Variants in KLF17 observed in about 807,000 individuals in gnomAD.
KLF17 encodes the protein KLF transcription factor 17.
KLF17 carries 31 observed loss-of-function variants against 34.2 expected under a neutral mutation model. The observed-to-expected ratio is 0.91, with a 90% confidence interval of 0.68 to 1.22. The LOEUF is 1.22. KLF17 is among the 50% of genes most tolerant of loss of function. KLF17 has a pLI of 0.00. For missense variants in KLF17, 478 were observed against 505.2 expected (o/e 0.95, Z 0.52); for synonymous variants, 179 against 186.7 (o/e 0.96, Z 0.34).
At chr1:44,127,722 C>CTTCTCT (rs1557732140) in intron 1 of KLF17, among the ~76,000 whole-genome samples, 6 of 113,518 alleles carry the variant, frequency 5.3e-5, no homozygotes, top group Non-Finnish European at 1.0e-4. Flanking sequence ...CTTCTCTTTT[C>CTTCTCT]TTTCTTTCTT....
At chr1:44,092,640 T>C in the KLF17 span, among the ~76,000 whole-genome samples, 385 of 152,060 alleles carry the variant, frequency 2.5e-3, 2 homozygotes, top group African/African-American at 9.0e-3. Context: ...TTAGCTTTTT[T>C]TTTTTTTCCT....
the KLF17 span, among the ~76,000 whole-genome samples, chr1:44,067,730 C>T: frequency 6.6e-6 from 1 of 152,136 alleles, no homozygotes; most frequent in Non-Finnish European, 1.5e-5. Flanking sequence ...GAAGGAGCAG[C>T]TCACTGTCAC....
the KLF17 span, among the ~76,000 whole-genome samples, chr1:44,090,453 A>G: frequency 5.9e-5 from 9 of 152,258 alleles, no homozygotes; most frequent in Admixed American, 5.9e-4. Flanking sequence ...TGTAAGTAGA[A>G]AAAATAAACA....
At chr1:44,087,717 A>G in the KLF17 span, among the ~76,000 whole-genome samples, 1 of 105,578 alleles carries the variant, frequency 9.5e-6, no homozygotes, top group Non-Finnish European at 1.9e-5. Flanking sequence ...GCCTCTTCCT[A>G]TATATTTTAT....
At chr1:44,090,128 CAAA>C in the KLF17 span, among the ~76,000 whole-genome samples, 10 of 89,614 alleles carry the variant, frequency 1.1e-4, no homozygotes, top group Admixed American at 3.7e-4. Context: ...GACTCTGTCT[CAAA>C]AAAAAAAAAA....
chr1:44,082,730 A>G, the KLF17 span, among the ~76,000 whole-genome samples: 5 of 152,158 alleles, frequency 3.3e-5, no homozygotes, highest in Admixed American at 6.5e-5. Context: ...GATCTTTTTG[A>G]TAATTCTGTT....
the KLF17 span, among the ~76,000 whole-genome samples, chr1:44,094,046 G>A: frequency 2.0e-5 from 3 of 152,118 alleles, no homozygotes; most frequent in Non-Finnish European, 4.4e-5. Context: ...AACAATATTC[G>A]CCAGATGCAA....
At chr1:44,106,050 G>A in the KLF17 span, among the ~76,000 whole-genome samples, 1 of 151,980 alleles carries the variant, frequency 6.6e-6, no homozygotes. Flanking sequence ...AGAGGGAAAA[G>A]CAAGCAAGCA....
the KLF17 span, among the ~76,000 whole-genome samples, chr1:44,058,987 G>A: frequency 2.6e-5 from 4 of 152,184 alleles, no homozygotes; most frequent in East Asian, 3.9e-4. Flanking sequence ...AGAAGAATCC[G>A]CCAATGATCA....
At chr1:44,111,463 G>GTTTTTTTTTTT in the KLF17 span, among the ~76,000 whole-genome samples, 1 of 90,482 alleles carries the variant, frequency 1.1e-5, no homozygotes, top group South Asian at 4.0e-4. Flanking sequence ...TTTGCAACTT[G>GTTTTTTTTTTT]TTTTTTTTTT....
upstream of KLF17, chr1:44,114,215 G>A (rs917624399): frequency 6.6e-6 from 1 of 152,166 alleles, no homozygotes; most frequent in East Asian, 1.9e-4. Flanking sequence ...TCATAAATCA[G>A]GAAACTAATC....
chr1:44,106,231 C>A, the KLF17 span, among the ~76,000 whole-genome samples: 3 of 152,156 alleles, frequency 2.0e-5, no homozygotes, highest in Non-Finnish European at 4.4e-5. Flanking sequence ...CCCTACAGAT[C>A]CACCTGCCCA....
At chr1:44,054,441 A>T in the KLF17 span, among the ~76,000 whole-genome samples, 1 of 148,472 alleles carries the variant, frequency 6.7e-6, no homozygotes, top group African/African-American at 2.5e-5. Flanking sequence ...GAGTCCCACC[A>T]CTTGCTGGAC....
At chr1:44,112,199 C>T in the KLF17 span, among the ~76,000 whole-genome samples, 3 of 152,258 alleles carry the variant, frequency 2.0e-5, no homozygotes, top group Admixed American at 2.0e-4. Context: ...TGGTGCAATA[C>T]TTGTACCTCT....
chr1:44,125,411 C>T (rs1225867582), intron 1 of KLF17, among the ~76,000 whole-genome samples: 1 of 152,120 alleles, frequency 6.6e-6, no homozygotes, highest in African/African-American at 2.4e-5. Context: ...TTGTGGGATC[C>T]CCTATAAGCG....
At chr1:44,070,079 T>G in the KLF17 span, 1 of 152,234 alleles carries the variant, frequency 6.6e-6, no homozygotes, top group Non-Finnish European at 1.5e-5. Context: ...TCTTGCATTT[T>G]AGTCTCTAAG....
intron 1 of KLF17, among the ~76,000 whole-genome samples, chr1:44,127,631 TTTCTTTCC>T (rs1557731700): frequency 1.1e-4 from 4 of 36,142 alleles, no homozygotes; most frequent in Admixed American, 3.1e-4. Flanking sequence ...TTTCTTTTCT[TTTCTTTCC>T]TTCTTTCTTT....
the KLF17 span, chr1:44,104,123 C>A: frequency 9.8e-7 from 1 of 1,019,636 alleles, no homozygotes; most frequent in South Asian, 1.3e-5. Flanking sequence ...TCTCGTCAGT[C>A]AGCCCTTCCA....
the KLF17 span, among the ~76,000 whole-genome samples, chr1:44,053,904 C>T: frequency 6.6e-6 from 1 of 152,216 alleles, no homozygotes; most frequent in East Asian, 1.9e-4. Flanking sequence ...CAACCCAGGC[C>T]ATGCCATATC....
Sources: allele counts gnomAD v4.1 joint callset (sites outside exome capture counted in the v4.1 genomes callset), GRCh38; gene constraint gnomAD v4.1.1; transcripts MANE v1.5; gene names NCBI Gene and HGNC (gene_info 2026-07-23, HGNC 2026-07-21).